Variants in RASAL3 observed in about 807,000 individuals in gnomAD.
RASAL3 encodes RAS protein activator like-3.
In RASAL3, 74 loss-of-function variants were observed where a neutral mutation model predicts 105.5. The observed-to-expected ratio is 0.70, with a 90% confidence interval of 0.58 to 0.85. RASAL3 has a LOEUF of 0.85. RASAL3 is among the 40% of genes least tolerant of loss of function. The pLI is 0.00. For synonymous variants in RASAL3, 579 were observed against 591.6 expected (o/e 0.98, Z 0.31); for missense variants, 1,352 against 1,392.0 (o/e 0.97, Z 0.46).
chr19:15,455,339 C>T (rs972269508), intron 11 of RASAL3, among the ~76,000 whole-genome samples: 1 of 152,088 alleles, frequency 6.6e-6, no homozygotes, highest in African/African-American at 2.4e-5. Flanking sequence ...TGCAGGTTAA[C>T]CTAGGGTCAG....
chr19:15,456,134 T>G lies in RASAL3; in HGVS notation c.1691A>C (p.Glu564Ala). Residue 564 changes from glutamate to alanine, a missense_variant, in exon 11 of 18, where the codon GAG (glutamate) becomes GCG (alanine). Glu to Ala is a moderately radical substitution (Grantham distance 107, BLOSUM62 -1). Around this residue, in one of 3 missense-constraint regions of RASAL3, gnomAD observed 920 missense variants for 919.6 expected, o/e 1.00. Transcript: ENST00000343625. This position sits in a 1 kb window ranked among gnomAD's most constrained non-coding sequence, Gnocchi z 4.4. ...GGAATGGATAATGGTTTCGAAGACC[T>G]CCTCGCAGCTGTTCCGAAGTCTGGC... ...HQARLRNSCE[E>A]VFETIIHSYD... 6.2e-7 allele frequency: 1 copy of G among 1,613,818 alleles called. No homozygotes were observed. Among genetic ancestry groups the G allele is most frequent in the Non-Finnish European group, 8.5e-7 (1 of 1,179,798 alleles).
rs199767735 is a variant in RASAL3 at position 15,464,258 on chromosome 19, G to C, written c.101C>G (p.Ala34Gly). 7.5e-6 allele frequency: 12 copies of C among 1,608,696 alleles called. 1 individual carries two copies. In the South Asian group the frequency reaches 1.3e-4, roughly 18 times the overall value. Residue 34 changes from alanine (A) to glycine (G), a missense_variant, in exon 2 of 18, where the codon GCG becomes GGG. Transcript: ENST00000343625. ...GCGGCCCCAGCGGAACCCTCCAGCC[G>C]CCTTCTCCCCACCGCCCCCTGTGTG... ...RWHTGGGGEK[A>G]AGGFRWGRFA...
Position 15,454,540 on chromosome 19 carries a change from T to C in RASAL3, c.1981A>G (p.Met661Val). 1.9e-6 allele frequency: 3 copies of C among 1,613,970 alleles called. No individual in the cohort carries two copies. Among genetic ancestry groups the C allele is most frequent in the South Asian group, 2.2e-5 (2 of 91,084 alleles). Residue 661 changes from methionine to valine, a missense_variant, in exon 13 of 18, where the codon ATG (methionine) becomes GTG (valine). This residue lies in a region of RASAL3 where 920 missense variants were observed against 919.6 expected (regional missense o/e 1.00). Coordinates refer to ENST00000343625, the MANE Select transcript of RASAL3 (RefSeq NM_022904.3). Reference sequence around the variant, plus strand: ...TCCAGGAAGCTATTCATGAAGCCCATGTAGGCCTCCTTCTCACCGAACCTG... The same window carrying C: ...TCCAGGAAGCTATTCATGAAGCCCACGTAGGCCTCCTTCTCACCGAACCTG... ...RAPFGEKEAY[M>V]GFMNSFLEEH...
intron 2 of RASAL3, 134 bp downstream of exon 2, chr19:15,463,897 C>T: frequency 2.5e-6 from 2 of 807,796 alleles, no homozygotes; most frequent in Non-Finnish European, 3.8e-6. Flanking sequence ...TAGCTGGGCC[C>T]CAGCGGCTTC....
At chr19:15,463,724 G>A (rs2145496643) in intron 2 of RASAL3, among the ~76,000 whole-genome samples, 1 of 152,288 alleles carries the variant, frequency 6.6e-6, no homozygotes, top group Admixed American at 6.5e-5. Flanking sequence ...GAAAGGATGG[G>A]CCTGAGCCAT....
At chr19:15,460,761 T>G (rs991199149) in intron 5 of RASAL3, among the ~76,000 whole-genome samples, 2 of 152,214 alleles carry the variant, frequency 1.3e-5, no homozygotes, top group Non-Finnish European at 2.9e-5. Context: ...AGTCTCCCCA[T>G]GTTGCTTAGG....
In RASAL3 at chr19:15,464,090, C is replaced by G. The variant is rs756242926; in HGVS notation, c.269G>C (p.Trp90Ser). Residue 90 changes from tryptophan to serine, a missense_variant, in exon 2 of 18, where the codon TGG becomes TCG. Physicochemically the swap from Trp to Ser is radical, Grantham distance 177 (BLOSUM62 -3). This residue lies in a region of RASAL3 where 344 missense variants were observed against 339.6 expected (regional missense o/e 1.01). Transcript: ENST00000343625. Reference protein sequence around the residue: ...TSRLRLSKALWGRHKNPPPEP... With the variant: ...TSRLRLSKALSGRHKNPPPEP... ...CGGCGGTGGGTTCTTATGCCTCCCC[C>G]AGAGGGCCTTGGAGAGTCGAAGGCG... is the stretch of plus-strand genomic sequence containing the variant. 17 of 1,606,814 alleles carry G rather than the reference C, an allele frequency of 1.1e-5. No homozygotes were observed. In the Admixed American group the frequency reaches 1.9e-4, roughly 17 times the overall value.
Position 15,461,126 on chromosome 19 carries a change from G to A in RASAL3, c.545-5C>T, listed in dbSNP as rs1202466050. 2.4e-5 allele frequency: 39 copies of A among 1,613,772 alleles called. No homozygotes were observed. The highest frequency in any genetic ancestry group is 3.0e-5 in the Non-Finnish European group (35 of 1,179,862). ...CTGTTTTTCCAGGCATCCGATCTGT[G>A]GGTCGTTATGGGTGGCAGGTTGGGG... is the stretch of plus-strand genomic sequence containing the variant. On this transcript the variant is annotated splice_polypyrimidine_tract_variant and splice_region_variant and intron_variant, in intron 4 of 17. Transcript: ENST00000343625.
rs764043611 is a variant in RASAL3 at position 15,464,065 on chromosome 19, C to T, written c.294G>A (p.Pro98=). Residue 98 remains proline (P), a synonymous_variant, in exon 2 of 18, where the codon CCG becomes CCA. Transcript: ENST00000343625. The stretch of plus-strand genomic sequence containing the variant: ...CCTGCTCCGGCTCCGGGTCTGGCTC[C>T]GGCGGTGGGTTCTTATGCCTCCCCC... ...ALWGRHKNPP[P]EPDPEPEQEA... The T allele has an allele frequency of 2.1e-5, 33 of 1,585,856 alleles. No homozygotes were observed. The East Asian group carries it at 6.5e-4, about 31-fold the overall frequency.
Position 15,456,456 on chromosome 19 carries a change from C to G in RASAL3, c.1576+46G>C. The stretch of plus-strand genomic sequence containing the variant: ...GACTCTTAGAACTTCACCCAGGTCC[C>G]CTAGCTCACCAGCAGGCCGCTGACA... On this transcript the variant is annotated intron_variant, in intron 10 of 17. Transcript: ENST00000343625. This position sits in a 1 kb window ranked among gnomAD's most constrained non-coding sequence, Gnocchi z 4.4. 2.5e-6 allele frequency: 4 copies of G among 1,608,086 alleles called. No homozygotes were observed. Among genetic ancestry groups the G allele is most frequent in the East Asian group, 2.2e-5 (1 of 44,738 alleles).
At position 15,453,521 on chromosome 19, in the gene RASAL3, AGACCCTCCACTGGCCCCTGAGAC is replaced by A; in HGVS notation, c.2280-47_2280-25del. On this transcript the variant is annotated intron_variant, in intron 14 of 17. Coordinates refer to ENST00000343625, the MANE Select transcript of RASAL3 (RefSeq NM_022904.3). The surrounding 1 kb of genome is among the most constrained non-coding windows in gnomAD (Gnocchi z 4.2). The stretch of plus-strand genomic sequence containing the variant: ...GGCTAGGGGTGGGATGGAGGATCTT[AGACCCTCCACTGGCCCCTGAGAC>A]GACCCCATCCCGACCTGACCAGAAG... The A allele has an allele frequency of 6.7e-7, 1 of 1,492,660 alleles. No individual in the cohort carries two copies. The allele number at this position is 1,492,660 out of a possible 1,614,324, so 92.5% of individuals were successfully genotyped here.
rs1415228470 is a variant in RASAL3 at position 15,456,710 on chromosome 19, T to A, written c.1432-64A>T. ...CAGAGTCCAAGGGAATTCGGATCCT[T>A]GGCTGGTCCCTCACACCAGAGGCAC... On this transcript the variant is annotated intron_variant, in intron 9 of 17. Coordinates refer to ENST00000343625, the MANE Select transcript of RASAL3 (RefSeq NM_022904.3). The surrounding 1 kb of genome is among the most constrained non-coding windows in gnomAD (Gnocchi z 4.4). 1 of 1,560,074 alleles carries A rather than the reference T, an allele frequency of 6.4e-7. No homozygotes were observed. Among genetic ancestry groups the A allele is most frequent in the African/African-American group, 1.4e-5 (1 of 73,904 alleles).
chr19:15,454,919 T>A, intron 11 of RASAL3, 26 bp from the exon 12 acceptor site: 1 of 1,511,958 alleles, frequency 6.6e-7, no homozygotes, highest in Non-Finnish European at 8.9e-7. Context: ...CAATGAATGG[T>A]CAGACGGGGA....
Position 15,457,366 on chromosome 19 carries a change from C to T in RASAL3, c.1357G>A (p.Ala453Thr), listed in dbSNP as rs1280626470. ...YARLCGALEP[A>T]LPAQAKEELA... ...TCCTCCTTGGCCTGCGCAGGCAGCG[C>T]GGGCTCCAGGGCCCCGCAGAGGCGC... is the stretch of plus-strand genomic sequence containing the variant. Residue 453 changes from alanine to threonine, a missense_variant, in exon 9 of 18, where the codon GCG becomes ACG. Ala to Thr is a moderately conservative substitution (Grantham distance 58, BLOSUM62 0). Transcript: ENST00000343625. The surrounding 1 kb of genome is among the most constrained non-coding windows in gnomAD (Gnocchi z 8.6). 2.8e-6 allele frequency: 4 copies of T among 1,426,314 alleles called. No homozygotes were observed. The South Asian group carries it at 5.4e-5, about 19-fold the overall frequency. 88.4% of individuals were successfully genotyped at this position (1,426,314 alleles called of 1,614,324 possible). A position where few individuals can be genotyped will look rare whatever the true frequency, so the allele number is the denominator to read the frequency against.
intron 5 of RASAL3, 64 bp downstream of exon 5, chr19:15,460,996 C>A (rs2145486504): frequency 6.6e-7 from 1 of 1,505,700 alleles, no homozygotes; most frequent in East Asian, 2.3e-5. Flanking sequence ...AGTGCCCTTT[C>A]AGCTTTGAGG....
chr19:15,456,533 G>A lies in RASAL3; in HGVS notation c.1545C>T (p.Leu515=), dbSNP rs1259397961. Residue 515 remains leucine (L), a synonymous_variant, in exon 10 of 18, where the codon CTC becomes CTT. Coordinates refer to ENST00000343625, the MANE Select transcript of RASAL3 (RefSeq NM_022904.3). The surrounding 1 kb of genome is among the most constrained non-coding windows in gnomAD (Gnocchi z 4.4). Reference sequence around the variant, plus strand: ...TCTCCTGGAGGTAATCCTGTGCCACGAGCTTCATGTACTCATCGATAGCCT... The same window carrying A: ...TCTCCTGGAGGTAATCCTGTGCCACAAGCTTCATGTACTCATCGATAGCCT... ...ATKAIDEYMK[L]VAQDYLQETL... is the part of the protein sequence containing the mutation. 3 of 1,613,768 alleles carry A rather than the reference G, an allele frequency of 1.9e-6. No individual in the cohort carries two copies. In the South Asian group the frequency reaches 3.3e-5, roughly 18 times the overall value.
chr19:15,464,231 A>C lies in RASAL3; in HGVS notation c.128T>G (p.Phe43Cys). ...KAAGGFRWGR[F>C]AGWGRALSHQ... is the part of the protein sequence containing the mutation. Reference sequence around the variant, plus strand: ...GCTCAGGGCCCTGCCCCAGCCAGCAAAGCGGCCCCAGCGGAACCCTCCAGC... The same window carrying C: ...GCTCAGGGCCCTGCCCCAGCCAGCACAGCGGCCCCAGCGGAACCCTCCAGC... The change falls in exon 2 of 18, where the codon TTT becomes TGT. Residue 43 changes from phenylalanine to cysteine, a missense_variant. Around this residue, in one of 3 missense-constraint regions of RASAL3, gnomAD observed 344 missense variants for 339.6 expected, o/e 1.01. Coordinates refer to ENST00000343625, the MANE Select transcript of RASAL3 (RefSeq NM_022904.3). 6.2e-7 allele frequency: 1 copy of C among 1,609,032 alleles called. No homozygotes were observed. Among genetic ancestry groups the C allele is most frequent in the Non-Finnish European group, 8.5e-7 (1 of 1,178,352 alleles).
rs1970163553 is a variant in RASAL3 at position 15,451,944 on chromosome 19, G to A, written c.2893-6C>T. The A allele has an allele frequency of 6.2e-7, 1 of 1,610,698 alleles. No individual in the cohort carries two copies. The highest frequency in any genetic ancestry group is 1.3e-5 in the African/African-American group (1 of 74,884). ...ATCTCATTTAGGCGGTGCTCCTGGG[G>A]AGGCAGTGGTGATGGGGTTCAGAAA... On this transcript the variant is annotated splice_region_variant and splice_polypyrimidine_tract_variant and intron_variant, in intron 17 of 17. Transcript: ENST00000343625.
Position 15,454,241 on chromosome 19 carries a change from C to T in RASAL3, c.2187G>A (p.Leu729=). Reference sequence around the variant, plus strand: ...CCTCAATGGCTCGCAGGATGGTGGGCAGTGGTTCCAGGGTGTCTCGGGTTG... The same window carrying T: ...CCTCAATGGCTCGCAGGATGGTGGGTAGTGGTTCCAGGGTGTCTCGGGTTG... ...DQTTRDTLEP[L]PTILRAIEEG... is the part of the protein sequence containing the mutation. Residue 729 remains leucine, a synonymous_variant, in exon 14 of 18, where the codon CTG becomes CTA. Coordinates refer to ENST00000343625, the MANE Select transcript of RASAL3 (RefSeq NM_022904.3). 2 of 1,565,734 alleles carry T rather than the reference C, an allele frequency of 1.3e-6. No homozygotes were observed. The highest frequency in any genetic ancestry group is 1.7e-6 in the Non-Finnish European group (2 of 1,155,134).
Sources: gnomAD v4.1 joint callset for allele counts (sites outside exome capture counted in the v4.1 genomes callset) on GRCh38, gnomAD v4.1.1 for gene constraint, gnomAD v4.1.1 regional missense constraint, Gnocchi (gnomAD v3.1) non-coding constraint, MANE v1.5 for transcripts, NCBI Gene and HGNC (gene_info 2026-07-23, HGNC 2026-07-21) for gene names.